EPHA6: variants seen among roughly 807,000 people sequenced by gnomAD.
The protein encoded by EPHA6 is EPH receptor A6, also known as ephrin type-A receptor 6.
A neutral mutation model predicts 112.0 loss-of-function variants in EPHA6; 50 were observed. That is an observed-to-expected ratio of 0.45 (90% CI 0.36 to 0.56). EPHA6 has a LOEUF of 0.56. Ranked by LOEUF, EPHA6 falls within the 20% of genes least tolerant of loss-of-function variation. EPHA6 has a pLI of 0.00. For synonymous variants in EPHA6, 529 were observed against 490.7 expected (o/e 1.08, Z -1.03); for missense variants, 1,280 against 1,417.4 (o/e 0.90, Z 1.56).
At chr3:97,518,004 C>A (rs534559585) in intron 10 of EPHA6, among the ~76,000 whole-genome samples, 34 of 152,234 alleles carry the variant, frequency 2.2e-4, no homozygotes, top group Admixed American at 7.8e-4. Flanking sequence ...ATAATAGACA[C>A]CTATGTTGCT....
chr3:97,140,948 G>A (rs2075884855), intron 3 of EPHA6, among the ~76,000 whole-genome samples: 1 of 151,870 alleles, frequency 6.6e-6, no homozygotes, highest in Admixed American at 6.6e-5. Context: ...TAACAAGTAA[G>A]GACACCCACA....
At chr3:97,259,868 T>G (rs960450273) in intron 5 of EPHA6, among the ~76,000 whole-genome samples, 1 of 151,386 alleles carries the variant, frequency 6.6e-6, no homozygotes, top group Non-Finnish European at 1.5e-5. Context: ...TGGCACAATC[T>G]CAGCTCACTG....
chr3:97,641,464 C>T (rs181759616), intron 14 of EPHA6, among the ~76,000 whole-genome samples: 3 of 152,136 alleles, frequency 2.0e-5, no homozygotes, highest in Non-Finnish European at 4.4e-5. Context: ...GGAATAGCTC[C>T]GGTCTACAGC....
intron 11 of EPHA6, among the ~76,000 whole-genome samples, chr3:97,534,752 T>A (rs1372582082): frequency 3.3e-5 from 5 of 152,082 alleles, no homozygotes; most frequent in African/African-American, 1.2e-4. Flanking sequence ...TCTGACTTCC[T>A]TGTTATTAAT....
At chr3:97,416,975 A>G (rs1302304325) in intron 6 of EPHA6, among the ~76,000 whole-genome samples, 1 of 152,184 alleles carries the variant, frequency 6.6e-6, no homozygotes, top group Non-Finnish European at 1.5e-5. Context: ...TGTCTTTAAC[A>G]TATTTATAAT....
intron 5 of EPHA6, among the ~76,000 whole-genome samples, chr3:97,380,648 A>G (rs1245767807): frequency 6.6e-6 from 1 of 152,226 alleles, no homozygotes; most frequent in Non-Finnish European, 1.5e-5. Context: ...CATTTCAGCT[A>G]TGATGAGGTC....
intron 5 of EPHA6, among the ~76,000 whole-genome samples, chr3:97,297,356 G>T (rs1479999219): frequency 6.6e-6 from 1 of 152,048 alleles, no homozygotes; most frequent in Non-Finnish European, 1.5e-5. Flanking sequence ...TCATTATTTT[G>T]ATTGTTCTTT....
chr3:97,476,133 A>C (rs1377369861), intron 8 of EPHA6, among the ~76,000 whole-genome samples: 1 of 152,138 alleles, frequency 6.6e-6, no homozygotes, highest in African/African-American at 2.4e-5. Context: ...ACGTGAATGA[A>C]GATAATATGT....
intron 3 of EPHA6, among the ~76,000 whole-genome samples, chr3:97,013,360 A>G (rs1275528002): frequency 6.6e-6 from 1 of 152,010 alleles, no homozygotes; most frequent in East Asian, 1.9e-4. Context: ...AAAAAAAAAG[A>G]TTTTCTGTGA....
At chr3:96,867,818 T>G (rs930381283) in intron 2 of EPHA6, among the ~76,000 whole-genome samples, 30 of 151,958 alleles carry the variant, frequency 2.0e-4, no homozygotes, top group Admixed American at 2.0e-3. Context: ...CTGTTTGAAT[T>G]TGACATTTTA....
At chr3:97,323,645 T>G (rs2082227978) in intron 5 of EPHA6, among the ~76,000 whole-genome samples, 1 of 151,990 alleles carries the variant, frequency 6.6e-6, no homozygotes, top group Admixed American at 6.6e-5. Context: ...AACTATTTAA[T>G]TCTATATTCA....
intron 3 of EPHA6, among the ~76,000 whole-genome samples, chr3:97,049,951 A>G (rs74664606): frequency 0.021 from 3,218 of 152,268 alleles, 124 homozygotes; most frequent in African/African-American, 0.071. Context: ...ACAGAGAGAA[A>G]CATCCAAACT....
At chr3:97,162,900 G>A (rs1437842195) in intron 3 of EPHA6, among the ~76,000 whole-genome samples, 3 of 152,016 alleles carry the variant, frequency 2.0e-5, no homozygotes, top group African/African-American at 4.8e-5. Flanking sequence ...AGTCCTTCTC[G>A]ACTCAGATTA....
chr3:97,152,807 T>C (rs2076201280), intron 3 of EPHA6, among the ~76,000 whole-genome samples: 1 of 152,138 alleles, frequency 6.6e-6, no homozygotes, highest in Non-Finnish European at 1.5e-5. Flanking sequence ...TCTTCTCATG[T>C]GAGACAAAGA....
intron 1 of EPHA6, among the ~76,000 whole-genome samples, chr3:96,860,810 A>C (rs1429112143): frequency 6.6e-6 from 1 of 152,128 alleles, no homozygotes; most frequent in East Asian, 1.9e-4. Context: ...AATGTAAATA[A>C]TATAGGTCTC....
intron 14 of EPHA6, among the ~76,000 whole-genome samples, chr3:97,707,897 G>A (rs1372959416): frequency 6.6e-6 from 1 of 152,040 alleles, no homozygotes; most frequent in Non-Finnish European, 1.5e-5. Flanking sequence ...TTCTCCTTCT[G>A]CCATGATTGT....
intron 1 of EPHA6, among the ~76,000 whole-genome samples, chr3:96,865,694 C>CAAAAAAAAA (rs57565102): frequency 8.5e-5 from 7 of 82,000 alleles, no homozygotes; most frequent in East Asian, 3.6e-4. Flanking sequence ...AAAAAACAAA[C>CAAAAAAAAA]AAAAAAAAAA....
chr3:96,850,328 C>T (rs1346938990), intron 1 of EPHA6, among the ~76,000 whole-genome samples: 1 of 151,958 alleles, frequency 6.6e-6, no homozygotes, highest in Non-Finnish European at 1.5e-5. Context: ...AGGAGATAGC[C>T]CAATAATTAG....
intron 3 of EPHA6, among the ~76,000 whole-genome samples, chr3:97,053,460 A>G (rs940244454): frequency 6.6e-6 from 1 of 152,138 alleles, no homozygotes; most frequent in Admixed American, 6.6e-5. Flanking sequence ...CACAGTAGAC[A>G]CTTAAAAATG....
Sources: gnomAD v4.1 joint callset for allele counts (sites outside exome capture counted in the v4.1 genomes callset) on GRCh38, gnomAD v4.1.1 for gene constraint, MANE v1.5 for transcripts, NCBI Gene and HGNC (gene_info 2026-07-23, HGNC 2026-07-21) for gene names.